Variants in IFT81 observed in about 807,000 individuals in gnomAD.
IFT81 encodes the protein intraflagellar transport 81.
Under a neutral mutation model 102.6 loss-of-function variants are expected in IFT81, and 72 were observed. The ratio of observed to expected loss-of-function variants is 0.70; its 90% CI spans 0.58 to 0.85. The LOEUF is 0.85. IFT81 is among the 40% of genes least tolerant of loss of function. The probability of loss-of-function intolerance (pLI) is 0.00; values close to 1 mark genes in which losing one functional copy is unlikely to be tolerated. For missense variants in IFT81, 723 were observed against 787.3 expected, an observed-to-expected ratio of 0.92 and a Z score of 0.98; for synonymous variants, 237 against 242.7, an observed-to-expected ratio of 0.98 and a Z score of 0.22.
In IFT81 at chr12:110,137,121, C is replaced by T. The variant is rs189105771; in HGVS notation, c.781+261C>T. Among the ~76,000 whole-genome samples, 366 of 152,238 alleles carry T rather than the reference C, an allele frequency of 2.4e-3. 1 individual carries two copies. The highest frequency in any genetic ancestry group is 8.4e-3 in the African/African-American group (350 of 41,540). On this transcript the variant is annotated intron_variant, in intron 8 of 18. Coordinates refer to ENST00000242591, the MANE Select transcript of IFT81 (RefSeq NM_014055.4). ...CCAGCACTTTGGGAGCCCGAGGTGGCGAGAGGTCAGGAGTTCGAGACCAGC... is the reference window on the plus strand; with the variant it reads ...CCAGCACTTTGGGAGCCCGAGGTGGTGAGAGGTCAGGAGTTCGAGACCAGC...
intron 14 of IFT81, 123 bp from the exon 15 acceptor site, chr12:110,203,741 C>A: frequency 1.4e-6 from 1 of 690,472 alleles, no homozygotes; most frequent in Non-Finnish European, 2.6e-6. Context: ...GCATAAATAA[C>A]TCTTAAGTAT....
intron 1 of IFT81, among the ~76,000 whole-genome samples, chr12:110,126,204 G>C (rs1401518409): frequency 6.6e-6 from 1 of 151,902 alleles, no homozygotes; most frequent in Admixed American, 6.6e-5. Context: ...CTTGAACCTG[G>C]GAGGCGGAGC....
At chr12:110,214,181 T>C (rs1408349470) in intron 18 of IFT81, among the ~76,000 whole-genome samples, 1 of 152,026 alleles carries the variant, frequency 6.6e-6, no homozygotes, top group East Asian at 1.9e-4. Context: ...TGAAAGCACA[T>C]ATTTGAATCA....
intron 12 of IFT81, among the ~76,000 whole-genome samples, chr12:110,185,305 C>G (rs1897478851): frequency 1.3e-5 from 2 of 152,158 alleles, no homozygotes; most frequent in South Asian, 4.1e-4. Context: ...CCCGCCTCAG[C>G]CTCCCAAGTA....
At chr12:110,131,721 A>T (rs1344582239) in intron 4 of IFT81, among the ~76,000 whole-genome samples, 1 of 152,192 alleles carries the variant, frequency 6.6e-6, no homozygotes. Flanking sequence ...AAGGGTGTAC[A>T]CAATGAATAT....
In IFT81 at chr12:110,134,264, A is replaced by G. The variant is rs764402571; in HGVS notation, c.520-684A>G. Among the ~76,000 whole-genome samples the G allele has an allele frequency of 3.9e-5, 6 of 152,354 alleles. No individual in the cohort carries two copies. The South Asian group carries it at 8.3e-4, about 21-fold the overall frequency. ...CTTCAGTACAGTGCTATCGGTAATG[A>G]GTAAGAGTGCCCATTTTTCCAAATT... is the stretch of plus-strand genomic sequence containing the variant. On this transcript the variant is annotated intron_variant, in intron 5 of 18. Transcript: ENST00000242591.
chr12:110,178,052 G>A (rs887252919), intron 11 of IFT81, among the ~76,000 whole-genome samples: 24 of 151,844 alleles, frequency 1.6e-4, no homozygotes, highest in African/African-American at 4.8e-4. Context: ...CCAAGATTGC[G>A]CCACTGTACT....
intron 18 of IFT81, among the ~76,000 whole-genome samples, chr12:110,217,511 T>C (rs1870286944): frequency 6.6e-6 from 1 of 152,186 alleles, no homozygotes; most frequent in Non-Finnish European, 1.5e-5. Flanking sequence ...ACTATCTTTT[T>C]CTCTCACTTC....
chr12:110,155,435 C>T (rs866122974), intron 10 of IFT81, among the ~76,000 whole-genome samples: 3 of 150,946 alleles, frequency 2.0e-5, no homozygotes, highest in Non-Finnish European at 2.9e-5. Flanking sequence ...CTCAGCCTCC[C>T]GAGTAGCTGG....
intron 10 of IFT81, among the ~76,000 whole-genome samples, chr12:110,150,865 T>A (rs2137391027): frequency 6.6e-6 from 1 of 152,296 alleles, no homozygotes; most frequent in East Asian, 1.9e-4. Flanking sequence ...TTAGAAATAT[T>A]ATATAGACGT....
At chr12:110,138,433 A>ATT (rs1226824135) in intron 8 of IFT81, among the ~76,000 whole-genome samples, 3 of 142,362 alleles carry the variant, frequency 2.1e-5, no homozygotes, top group East Asian at 2.0e-4. Flanking sequence ...GAGGTTAATC[A>ATT]TTTTTTTTTT....
intron 2 of IFT81, among the ~76,000 whole-genome samples, 179 bp downstream of exon 2, chr12:110,127,703 C>A (rs1893930518): frequency 6.6e-6 from 1 of 152,098 alleles, no homozygotes; most frequent in African/African-American, 2.4e-5. Flanking sequence ...TCTATTGGTA[C>A]CTTATTTCAA....
intron 8 of IFT81, 148 bp downstream of exon 8, chr12:110,137,008 C>A (rs747892887): frequency 1.8e-6 from 1 of 541,288 alleles, no homozygotes; most frequent in African/African-American, 1.9e-5. Context: ...AGAAGGAGAG[C>A]CCTGATAAAG....
At chr12:110,195,164 C>T (rs897591654) in intron 14 of IFT81, among the ~76,000 whole-genome samples, 20 of 151,938 alleles carry the variant, frequency 1.3e-4, no homozygotes, top group Non-Finnish European at 2.8e-4. Context: ...ATTTTAAAGC[C>T]TATAAAAAAT....
At chr12:110,125,082 AT>A (rs979820706) in intron 1 of IFT81, among the ~76,000 whole-genome samples, 4 of 151,560 alleles carry the variant, frequency 2.6e-5, no homozygotes, top group South Asian at 2.1e-4. Context: ...GTTTATCCAG[AT>A]TTTTTTTTAA....
rs762783914 is a variant in IFT81 at position 110,163,058 on chromosome 12, G to C, written c.1181G>C (p.Gly394Ala). ...TTTGATGGTACTGAAGTTTTAAAGGGAGATGAGGTAAGCTGAGCCATCTCA... is the reference window on the plus strand; with the variant it reads ...TTTGATGGTACTGAAGTTTTAAAGGCAGATGAGGTAAGCTGAGCCATCTCA... ...REFDGTEVLKGDEFKRYVNKL... is the reference protein window; with the variant it reads ...REFDGTEVLKADEFKRYVNKL... The change falls in exon 11 of 19, where the codon GGA becomes GCA. Residue 394 changes from glycine (G) to alanine (A), a missense_variant. Physicochemically the swap from Gly to Ala is moderately conservative, Grantham distance 60. Coordinates refer to ENST00000242591, the MANE Select transcript of IFT81 (RefSeq NM_014055.4). The C allele has an allele frequency of 6.2e-7, 1 of 1,613,526 alleles. No individual in the cohort carries two copies. The highest frequency in any genetic ancestry group is 8.5e-7 in the Non-Finnish European group (1 of 1,179,810).
intron 9 of IFT81, among the ~76,000 whole-genome samples, chr12:110,145,386 A>G (rs529520499): frequency 2.0e-5 from 3 of 150,318 alleles, no homozygotes; most frequent in Non-Finnish European, 4.4e-5. Context: ...TGTGCTTACT[A>G]TGTGGTTAAT....
chr12:110,153,122 A>G (rs1012607637), intron 10 of IFT81, among the ~76,000 whole-genome samples: 1 of 152,192 alleles, frequency 6.6e-6, no homozygotes, highest in African/African-American at 2.4e-5. Context: ...TTTCCTTCTA[A>G]CAGTCTTATG....
At chr12:110,212,283 C>G (rs964856890) in intron 18 of IFT81, among the ~76,000 whole-genome samples, 1 of 150,708 alleles carries the variant, frequency 6.6e-6, no homozygotes, top group Non-Finnish European at 1.5e-5. Context: ...CAGTGGCTCA[C>G]GACTATAACC....
Sources: gnomAD v4.1 joint callset for allele counts (sites outside exome capture counted in the v4.1 genomes callset) on GRCh38, gnomAD v4.1.1 for gene constraint, MANE v1.5 for transcripts, NCBI Gene and HGNC (gene_info 2026-07-23, HGNC 2026-07-21) for gene names.